Variants in UBAC2 observed in about 807,000 individuals in gnomAD.
The protein encoded by UBAC2 is ubiquitin-associated domain-containing protein 2.
A neutral mutation model predicts 44.0 loss-of-function variants in UBAC2; 26 were observed. The observed-to-expected ratio is 0.59, with a 90% CI of 0.43 to 0.82. UBAC2 has a LOEUF of 0.82. Ranked by LOEUF, UBAC2 falls within the 40% of genes least tolerant of loss-of-function variation. The pLI is 0.00. For missense variants in UBAC2, 329 were observed against 419.4 expected (o/e 0.78, Z 1.88); for synonymous variants, 155 against 154.3 (o/e 1.00, Z -0.04).
chr13:99,341,418 AG>A (rs59704974), intron 7 of UBAC2, among the ~76,000 whole-genome samples: 50,743 of 142,520 alleles, frequency 0.36, 9,830 homozygotes, highest in African/African-American at 0.5. Context: ...AGTTTATATC[AG>A]GGGGGGGGAG....
chr13:99,383,176 G>A (rs1216914931), intron 8 of UBAC2, among the ~76,000 whole-genome samples: 2 of 152,208 alleles, frequency 1.3e-5, no homozygotes, highest in Admixed American at 1.3e-4. Flanking sequence ...GCCTGTGCAC[G>A]CTCTTGTGTA....
intron 4 of UBAC2, among the ~76,000 whole-genome samples, chr13:99,249,982 TGTGA>T (rs1413836698): frequency 6.6e-6 from 1 of 152,240 alleles, no homozygotes; most frequent in East Asian, 1.9e-4. Context: ...AGATGCAGTT[TGTGA>T]GTATTTTCTC....
At chr13:99,257,039 A>G (rs987866529) in intron 4 of UBAC2, among the ~76,000 whole-genome samples, 2 of 152,178 alleles carry the variant, frequency 1.3e-5, no homozygotes, top group African/African-American at 4.8e-5. Context: ...AACTTGAGCA[A>G]TTGCTGTGGT....
At chr13:99,360,764 C>G (rs765723600) in intron 7 of UBAC2, among the ~76,000 whole-genome samples, 8 of 152,228 alleles carry the variant, frequency 5.3e-5, no homozygotes, top group Non-Finnish European at 7.3e-5. Flanking sequence ...GATGTCCACT[C>G]TGAGCTTTTC....
chr13:99,251,776 A>G (rs951856283), intron 4 of UBAC2, among the ~76,000 whole-genome samples: 1 of 152,244 alleles, frequency 6.6e-6, no homozygotes, highest in South Asian at 2.1e-4. Flanking sequence ...AATCTTGAGC[A>G]AGTTGCTTCT....
At chr13:99,224,300 C>T (rs910131610) in intron 1 of UBAC2, among the ~76,000 whole-genome samples, 1 of 152,170 alleles carries the variant, frequency 6.6e-6, no homozygotes, top group Non-Finnish European at 1.5e-5. Context: ...CTCCATCTAT[C>T]CTTATGACCT....
At chr13:99,247,208 TG>T (rs11454340) in intron 4 of UBAC2, among the ~76,000 whole-genome samples, 3 of 94,144 alleles carry the variant, frequency 3.2e-5, no homozygotes, top group Non-Finnish European at 9.0e-5. Context: ...TTTTTTTTTT[TG>T]TTTTGTTTTG....
intron 1 of UBAC2, among the ~76,000 whole-genome samples, chr13:99,230,661 C>G (rs1408962796): frequency 5.3e-5 from 8 of 152,216 alleles, no homozygotes. Context: ...TGACTCATGA[C>G]CCAATTTTAT....
intron 1 of UBAC2, among the ~76,000 whole-genome samples, chr13:99,214,744 C>G (rs2042972146): frequency 6.6e-6 from 1 of 152,082 alleles, no homozygotes; most frequent in African/African-American, 2.4e-5. Context: ...CCACCCCACC[C>G]TTTTTGGAGA....
At chr13:99,266,904 T>A (rs1158124029) in intron 4 of UBAC2, among the ~76,000 whole-genome samples, 2 of 152,180 alleles carry the variant, frequency 1.3e-5, no homozygotes, top group Non-Finnish European at 2.9e-5. Flanking sequence ...CCGGATCGTG[T>A]GGTAATTCTG....
chr13:99,227,974 C>T (rs1283478891), intron 1 of UBAC2, among the ~76,000 whole-genome samples: 1 of 152,132 alleles, frequency 6.6e-6, no homozygotes, highest in Non-Finnish European at 1.5e-5. Context: ...AAATGCTGGT[C>T]AGTGGAGAGT....
chr13:99,207,890 C>T (rs1288120790), intron 1 of UBAC2, among the ~76,000 whole-genome samples: 2 of 152,034 alleles, frequency 1.3e-5, no homozygotes, highest in Non-Finnish European at 2.9e-5. Context: ...TTTGTGTTCT[C>T]ATGAAGGAGC....
chr13:99,226,618 A>G (rs2043112685), intron 1 of UBAC2, among the ~76,000 whole-genome samples: 1 of 152,246 alleles, frequency 6.6e-6, no homozygotes, highest in African/African-American at 2.4e-5. Context: ...TCCAGAGGAA[A>G]GGTTAAAGTC....
intron 8 of UBAC2, among the ~76,000 whole-genome samples, chr13:99,381,269 A>G (rs1035326218): frequency 1.3e-5 from 2 of 152,178 alleles, no homozygotes; most frequent in African/African-American, 4.8e-5. Flanking sequence ...GTGGATTCCA[A>G]ACCAAATGTA....
chr13:99,247,051 G>A (rs767808801), intron 4 of UBAC2, among the ~76,000 whole-genome samples: 2 of 152,124 alleles, frequency 1.3e-5, no homozygotes, highest in African/African-American at 2.4e-5. Context: ...GTCTAGGCTG[G>A]TCTTGAATTC....
Position 99,322,333 on chromosome 13 carries a change from C to T in UBAC2, c.561+4264C>T, listed in dbSNP as rs776329472. 5.5e-4 allele frequency among the ~76,000 whole-genome samples: 83 copies of T among 152,174 alleles called. 2 individuals carry two copies. Among genetic ancestry groups the T allele is most frequent in the Non-Finnish European group, 1.2e-4 (8 of 68,026 alleles). Reference sequence around the variant, plus strand: ...CTGCAGAGAGCTTTTGAGCCATCTACATCTCAGAACTTCTTCATTTTCTAC... The same window carrying T: ...CTGCAGAGAGCTTTTGAGCCATCTATATCTCAGAACTTCTTCATTTTCTAC... On this transcript the variant is annotated intron_variant, in intron 6 of 8. Coordinates refer to ENST00000403766, the MANE Select transcript of UBAC2 (RefSeq NM_001144072.2).
chr13:99,343,438 A>T (rs2044924514), intron 7 of UBAC2, among the ~76,000 whole-genome samples: 1 of 152,144 alleles, frequency 6.6e-6, no homozygotes. Context: ...AGGGAATGAG[A>T]CAGACCCAAA....
chr13:99,356,607 A>G (rs927781061), intron 7 of UBAC2, among the ~76,000 whole-genome samples: 1 of 152,226 alleles, frequency 6.6e-6, no homozygotes, highest in African/African-American at 2.4e-5. Context: ...TGTTCAAGCG[A>G]TCATCTCCTT....
chr13:99,334,681 A>C (rs2044762235), intron 6 of UBAC2, among the ~76,000 whole-genome samples: 1 of 152,210 alleles, frequency 6.6e-6, no homozygotes, highest in South Asian at 2.1e-4. Context: ...AAAATACTAA[A>C]TAATATTTGA....
Sources: allele counts gnomAD v4.1 joint callset (sites outside exome capture counted in the v4.1 genomes callset), GRCh38; gene constraint gnomAD v4.1.1; transcripts MANE v1.5; gene names NCBI Gene and HGNC (gene_info 2026-07-23, HGNC 2026-07-21).